The following MEF2A variants were observed in gnomAD, a reference collection of about 807,000 sequenced individuals.
The protein encoded by MEF2A is myocyte enhancer factor 2A, also known as myocyte-specific enhancer factor 2A.
In MEF2A, 28 loss-of-function variants were observed where a neutral mutation model predicts 55.8. The ratio of observed to expected loss-of-function variants is 0.50; its 90% CI spans 0.37 to 0.69. The LOEUF (loss-of-function observed/expected upper bound fraction) is 0.69. Ranked by LOEUF, MEF2A falls within the 30% of genes least tolerant of loss-of-function variation. The pLI is 0.00. For missense variants in MEF2A, 528 were observed against 626.2 expected (o/e 0.84, Z 1.67); for synonymous variants, 239 against 227.1 (o/e 1.05, Z -0.47).
At chr15:99,673,065 G>A (rs1041200255) in intron 5 of MEF2A, among the ~76,000 whole-genome samples, 3 of 152,218 alleles carry the variant, frequency 2.0e-5, no homozygotes, top group Admixed American at 6.5e-5. Context: ...AGACTGGAAC[G>A]GTCCTTTTCC....
rs573990351 is a variant in MEF2A at position 99,691,860 on chromosome 15, C to T, written c.858+1432C>T. On this transcript the variant is annotated intron_variant, in intron 8 of 11. Transcript: ENST00000557942. ...AAGAATGCAGGTAGCCTCTATTCCA[C>T]TCCTTGATGACGGCTTTAGGGTTCT... Among the ~76,000 whole-genome samples, 5 of 152,304 alleles carry T rather than the reference C, an allele frequency of 3.3e-5. No homozygotes were observed. In the South Asian group the frequency reaches 1.0e-3, roughly 32 times the overall value.
Position 99,633,151 on chromosome 15 carries a change from T to G in MEF2A, c.32T>G (p.Ile11Arg). The G allele has an allele frequency of 6.3e-7, 1 of 1,590,656 alleles. No homozygotes were observed. Among genetic ancestry groups the G allele is most frequent in the Non-Finnish European group, 8.5e-7 (1 of 1,171,432 alleles). The change falls in exon 3 of 12, where the codon ATA (isoleucine) becomes AGA (arginine). Residue 11 changes from isoleucine to arginine, a missense_variant. Ile to Arg is a moderately conservative substitution (Grantham distance 97, BLOSUM62 -3). This residue lies in a region of MEF2A where 78 missense variants were observed against 150.9 expected (regional missense o/e 0.52). Transcript: ENST00000557942. MGRKKIQITR[I>R]MDERNRQVTF... is the part of the protein sequence containing the mutation. Reference sequence around the variant, plus strand: ...CGGAAGAAAATACAAATCACACGCATAATGGATGAAAGGAACCGACAGGTA... The same window carrying G: ...CGGAAGAAAATACAAATCACACGCAGAATGGATGAAAGGAACCGACAGGTA...
chr15:99,671,478 A>C (rs778292881), intron 5 of MEF2A, 24 bp downstream of exon 5: 1 of 1,613,884 alleles, frequency 6.2e-7, no homozygotes, highest in Non-Finnish European at 8.5e-7. Context: ...CTTTACCTCT[A>C]CTTTTTATTT....
intron 10 of MEF2A, among the ~76,000 whole-genome samples, chr15:99,708,658 G>C (rs1285926885): frequency 6.6e-6 from 1 of 152,202 alleles, no homozygotes; most frequent in Non-Finnish European, 1.5e-5. Flanking sequence ...CTGCTGTGTG[G>C]CAGGCACTGT....
chr15:99,713,410 TAAAG>T lies in MEF2A; in HGVS notation c.*645_*648del, dbSNP rs1362915881. Reference sequence around the variant, plus strand: ...GGGTCAAGAAGTGATCTTTAGCTAATAAAGAAAGAGAATAGAAAACACGCATGAG... The same window carrying T: ...GGGTCAAGAAGTGATCTTTAGCTAATAAAGAGAATAGAAAACACGCATGAG... On this transcript the variant is annotated 3_prime_UTR_variant, in exon 12 of 12. Coordinates refer to ENST00000557942, the MANE Select transcript of MEF2A (RefSeq NM_001319206.4). 2.4e-4 allele frequency: 41 copies of T among 168,528 alleles called. No individual in the cohort carries two copies. Among genetic ancestry groups the T allele is most frequent in the African/African-American group, 5.0e-4 (21 of 42,242 alleles). 10.4% of individuals were successfully genotyped at this position (168,528 alleles called of 1,614,324 possible). A position where few individuals can be genotyped will look rare whatever the true frequency, so the allele number is the denominator to read the frequency against.
At chr15:99,638,367 A>T (rs182277179) in intron 3 of MEF2A, among the ~76,000 whole-genome samples, 2 of 152,228 alleles carry the variant, frequency 1.3e-5, no homozygotes, top group Admixed American at 1.3e-4. Flanking sequence ...CACAAGGGGC[A>T]TGTGTCTTCA....
chr15:99,587,010 A>T (rs1426904591), intron 1 of MEF2A, among the ~76,000 whole-genome samples: 1 of 151,888 alleles, frequency 6.6e-6, no homozygotes, highest in East Asian at 1.9e-4. Flanking sequence ...TTACAAGAGC[A>T]CACTGTATTA....
At position 99,714,689 on chromosome 15, in the gene MEF2A, T is replaced by G. The variant is rs538741667; in HGVS notation, c.*1918T>G. On this transcript the variant is annotated 3_prime_UTR_variant, in exon 12 of 12. Transcript: ENST00000557942. Reference sequence around the variant, plus strand: ...ATTCAAAGTCCTGTATATCTTTCATTGTAGATTTTTAAATACTCCTTTTCC... The same window carrying G: ...ATTCAAAGTCCTGTATATCTTTCATGGTAGATTTTTAAATACTCCTTTTCC... 4 of 152,298 alleles carry G rather than the reference T, an allele frequency of 2.6e-5. No individual in the cohort carries two copies. The highest frequency in any genetic ancestry group is 7.2e-5 in the African/African-American group (3 of 41,550). 9.4% of individuals were successfully genotyped at this position (152,298 alleles called of 1,614,324 possible). A position where few individuals can be genotyped will look rare whatever the true frequency, so the allele number is the denominator to read the frequency against.
intron 1 of MEF2A, among the ~76,000 whole-genome samples, chr15:99,593,576 A>G (rs1014067035): frequency 6.6e-6 from 1 of 152,156 alleles, no homozygotes; most frequent in Non-Finnish European, 1.5e-5. Flanking sequence ...GAAATTCATA[A>G]TTTTGTGAGT....
intron 2 of MEF2A, among the ~76,000 whole-genome samples, chr15:99,604,207 G>T (rs1373909674): frequency 6.6e-6 from 1 of 152,062 alleles, no homozygotes; most frequent in East Asian, 1.9e-4. Context: ...ACCAAATTTG[G>T]AAATGTTTCA....
At chr15:99,616,953 G>A (rs775570446) in intron 2 of MEF2A, among the ~76,000 whole-genome samples, 1 of 152,140 alleles carries the variant, frequency 6.6e-6, no homozygotes, top group Non-Finnish European at 1.5e-5. Flanking sequence ...GTCTTATAAG[G>A]TGCTTTTGAT....
intron 1 of MEF2A, among the ~76,000 whole-genome samples, chr15:99,582,550 T>A (rs1004994849): frequency 2.0e-5 from 3 of 152,256 alleles, no homozygotes; most frequent in African/African-American, 4.8e-5. Context: ...TCTGCTTGTC[T>A]TATTTCTTCT....
chr15:99,644,947 A>G (rs1234988361), intron 3 of MEF2A, among the ~76,000 whole-genome samples: 1 of 152,126 alleles, frequency 6.6e-6, no homozygotes, highest in Non-Finnish European at 1.5e-5. Context: ...ATAAAAAGAC[A>G]TCTCTTTTAG....
At chr15:99,619,665 T>G (rs2040806724) in intron 2 of MEF2A, among the ~76,000 whole-genome samples, 1 of 152,200 alleles carries the variant, frequency 6.6e-6, no homozygotes, top group Non-Finnish European at 1.5e-5. Flanking sequence ...ATTGAAAATG[T>G]GTGTGTTAGT....
intron 2 of MEF2A, among the ~76,000 whole-genome samples, chr15:99,609,927 ATTAAT>A (rs1976527047): frequency 6.6e-6 from 1 of 152,148 alleles, no homozygotes; most frequent in Non-Finnish European, 1.5e-5. Flanking sequence ...TGGGATTAAA[ATTAAT>A]TGGCATTTCT....
At chr15:99,690,202 A>G in intron 7 of MEF2A, 39 bp from the exon 8 acceptor site, 1 of 1,579,084 alleles carries the variant, frequency 6.3e-7, no homozygotes, top group Non-Finnish European at 8.6e-7. Flanking sequence ...GTATTTTAAT[A>G]ACTCTTCTCA....
chr15:99,702,862 G>A (rs1330599569), intron 8 of MEF2A, among the ~76,000 whole-genome samples: 4 of 152,152 alleles, frequency 2.6e-5, no homozygotes, highest in African/African-American at 9.7e-5. Context: ...TGTTCCTGTT[G>A]TTTTATAACT....
At chr15:99,613,584 G>A (rs1028769930) in intron 2 of MEF2A, among the ~76,000 whole-genome samples, 26 of 152,224 alleles carry the variant, frequency 1.7e-4, no homozygotes, top group Middle Eastern at 6.8e-3. Flanking sequence ...AGGAGTAGTA[G>A]TGGGAAGTAA....
At chr15:99,665,731 C>CA (rs752473261) in intron 4 of MEF2A, among the ~76,000 whole-genome samples, 1,688 of 20,168 alleles carry the variant, frequency 0.084, 53 homozygotes, top group African/African-American at 0.12. Flanking sequence ...CTTAAATTTA[C>CA]AAAAAAAAAA....
Sources: gnomAD v4.1 joint callset for allele counts (sites outside exome capture counted in the v4.1 genomes callset) on GRCh38, gnomAD v4.1.1 for gene constraint, gnomAD v4.1.1 regional missense constraint, MANE v1.5 for transcripts, NCBI Gene and HGNC (gene_info 2026-07-23, HGNC 2026-07-21) for gene names.